The following HSPA2 variants were observed in gnomAD, a reference collection of about 807,000 sequenced individuals.
HSPA2 encodes the protein heat shock protein family A (Hsp70) member 2.
In HSPA2, 13 loss-of-function variants were observed where a neutral mutation model predicts 35.0. The ratio of observed to expected loss-of-function variants is 0.37; its 90% CI spans 0.24 to 0.59. HSPA2 has a LOEUF of 0.59. Ranked by LOEUF, HSPA2 falls within the 20% of genes least tolerant of loss-of-function variation. The probability of loss-of-function intolerance (pLI) is 0.70; values close to 1 mark genes in which losing one functional copy is unlikely to be tolerated. For missense variants in HSPA2, 565 were observed against 885.4 expected (o/e 0.64, Z 4.59); for synonymous variants, 368 against 382.1 (o/e 0.96, Z 0.43).
At chr14:64,536,868 G>A (rs1394131721), upstream of HSPA2, among the ~76,000 whole-genome samples, 1 of 152,192 alleles carries the variant, frequency 6.6e-6, no homozygotes, top group Non-Finnish European at 1.5e-5. Flanking sequence ...AATATACATG[G>A]CTAATGAAAA....
upstream of HSPA2, among the ~76,000 whole-genome samples, chr14:64,538,198 A>G (rs564405837): frequency 6.6e-6 from 1 of 152,316 alleles, no homozygotes; most frequent in Non-Finnish European, 1.5e-5. Context: ...ATAATCTTAA[A>G]TGTTCATTGA....
At chr14:64,540,091 CCG>C (rs937483525), upstream of HSPA2, among the ~76,000 whole-genome samples, 7 of 152,138 alleles carry the variant, frequency 4.6e-5, no homozygotes, top group African/African-American at 7.2e-5. Flanking sequence ...TCTTTAATCC[CCG>C]TCCAAGGGAT....
At chr14:64,540,092 C>A (rs1306463510), upstream of HSPA2, among the ~76,000 whole-genome samples, 1 of 152,102 alleles carries the variant, frequency 6.6e-6, no homozygotes, top group Non-Finnish European at 1.5e-5. Flanking sequence ...CTTTAATCCC[C>A]GTCCAAGGGA....
Position 64,542,421 on chromosome 14 carries a change from G to C in HSPA2, c.1572G>C (p.Glu524Asp), listed in dbSNP as rs756861833. 8.1e-6 allele frequency: 13 copies of C among 1,613,906 alleles called. No homozygotes were observed. The highest frequency in any genetic ancestry group is 1.1e-5 in the Non-Finnish European group (13 of 1,179,958). ...ACGACATTGACCGGATGGTGCAGGAGGCGGAGCGGTACAAATCGGAAGATG... is the reference window on the plus strand; with the variant it reads ...ACGACATTGACCGGATGGTGCAGGACGCGGAGCGGTACAAATCGGAAGATG... ...SKDDIDRMVQEAERYKSEDEA... is the reference protein window; with the variant it reads ...SKDDIDRMVQDAERYKSEDEA... Residue 524 changes from glutamate to aspartate, a missense_variant, in exon 1 of 1, where the codon GAG (glutamate) becomes GAC (aspartate). By Grantham distance (45) the Glu-to-Asp change is conservative (BLOSUM62 2). This residue lies in a region of HSPA2 where 147 missense variants were observed against 166.7 expected (regional missense o/e 0.88). Coordinates refer to ENST00000247207, the MANE Select transcript of HSPA2 (RefSeq NM_021979.4). The surrounding 1 kb of genome is among the most constrained non-coding windows in gnomAD (Gnocchi z 5.7).
upstream of HSPA2, among the ~76,000 whole-genome samples, chr14:64,536,530 A>G (rs1270998943): frequency 6.6e-6 from 1 of 152,142 alleles, no homozygotes; most frequent in East Asian, 1.9e-4. Context: ...GGAGGCTGAG[A>G]CTGGTGGAGA....
Position 64,542,229 on chromosome 14 carries a change from C to T in HSPA2, c.1380C>T (p.Gly460=), listed in dbSNP as rs2080039312. Residue 460 remains glycine (G), a synonymous_variant, in exon 1 of 1, where the codon GGC becomes GGT. Coordinates refer to ENST00000247207, the MANE Select transcript of HSPA2 (RefSeq NM_021979.4). The surrounding 1 kb of genome is among the most constrained non-coding windows in gnomAD (Gnocchi z 5.7). The stretch of plus-strand genomic sequence containing the variant: ...TGACCAAGGACAATAACCTGCTGGG[C>T]AAGTTCGACCTGACCGGGATTCCCC... ...RAMTKDNNLL[G]KFDLTGIPPA... 6.2e-7 allele frequency: 1 copy of T among 1,613,828 alleles called. No individual in the cohort carries two copies. Among genetic ancestry groups the T allele is most frequent in the South Asian group, 1.1e-5 (1 of 91,088 alleles).
upstream of HSPA2, among the ~76,000 whole-genome samples, chr14:64,540,037 C>A (rs1201625624): frequency 6.6e-6 from 1 of 152,254 alleles, no homozygotes. Flanking sequence ...AAGCACCCAC[C>A]ATAAAATCCC....
rs1223448304 is a variant in HSPA2 at position 64,541,333 on chromosome 14, G to T, written c.484G>T (p.Ala162Ser). The T allele has an allele frequency of 2.5e-6, 4 of 1,613,648 alleles. No individual in the cohort carries two copies. Among genetic ancestry groups the T allele is most frequent in the African/African-American group, 2.7e-5 (2 of 74,952 alleles). The part of the protein sequence containing the change: ...NDSQRQATKD[A>S]GTITGLNVLR... ...CTCGCAGCGCCAGGCCACCAAGGAC[G>T]CAGGCACCATCACGGGGCTCAATGT... Residue 162 changes from alanine to serine, a missense_variant, in exon 1 of 1, where the codon GCA (alanine) becomes TCA (serine). By Grantham distance (99) the Ala-to-Ser change is moderately conservative. Coordinates refer to ENST00000247207, the MANE Select transcript of HSPA2 (RefSeq NM_021979.4).
chr14:64,540,798 G>C lies in HSPA2; in HGVS notation c.-52G>C. The C allele has an allele frequency of 1.9e-6, 3 of 1,597,432 alleles. No homozygotes were observed. The highest frequency in any genetic ancestry group is 2.6e-6 in the Non-Finnish European group (3 of 1,170,256). On this transcript the variant is annotated 5_prime_UTR_variant, in exon 1 of 1. Transcript: ENST00000247207. ...GAGGTGGCCGTTAGTTGACTCCGCG[G>C]AGTTCATCTCCCTGGTTTTCCCGTC...
rs1468708073 is a variant in HSPA2, at chr14:64,541,497, G to A, written c.648G>A (p.Glu216=). The A allele has an allele frequency of 1.2e-6, 2 of 1,609,130 alleles. No homozygotes were observed. The highest frequency in any genetic ancestry group is 1.7e-5 in the Admixed American group (1 of 59,870). ...TCGACGTGTCCATCCTGACCATCGA[G>A]GATGGCATCTTCGAGGTGAAGTCCA... ...GTFDVSILTI[E]DGIFEVKSTA... is the part of the protein sequence containing the mutation. The change falls in exon 1 of 1, where the codon GAG becomes GAA. Residue 216 remains glutamate (E), a synonymous_variant. Coordinates refer to ENST00000247207, the MANE Select transcript of HSPA2 (RefSeq NM_021979.4).
At chr14:64,539,510 G>T (rs949104517), upstream of HSPA2, among the ~76,000 whole-genome samples, 4 of 152,148 alleles carry the variant, frequency 2.6e-5, no homozygotes, top group African/African-American at 9.7e-5. Flanking sequence ...AAAGCGGCAG[G>T]ACAAACAGGA....
chr14:64,536,939 G>T (rs2079984111), upstream of HSPA2, among the ~76,000 whole-genome samples: 2 of 152,196 alleles, frequency 1.3e-5, no homozygotes, highest in South Asian at 4.1e-4. Flanking sequence ...GTGGTGGTCA[G>T]ATTGCAAGAT....
chr14:64,543,046 GAGAAACC>G lies in HSPA2; in HGVS notation c.*278_*284del. On this transcript the variant is annotated 3_prime_UTR_variant, in exon 1 of 1. Coordinates refer to ENST00000247207, the MANE Select transcript of HSPA2 (RefSeq NM_021979.4). ...TCGTGCATGGAGATTTGTTTGAGAT[GAGAAACC>G]TTAAGTTTGCACACCTGTTCTGTAG... 1.9e-6 allele frequency: 1 copy of G among 527,646 alleles called. No homozygotes were observed. The highest frequency in any genetic ancestry group is 3.4e-6 in the Non-Finnish European group (1 of 294,590). 32.7% of individuals were successfully genotyped at this position (527,646 alleles called of 1,614,324 possible).
At chr14:64,539,056 G>A (rs770382018), upstream of HSPA2, among the ~76,000 whole-genome samples, 6 of 152,110 alleles carry the variant, frequency 3.9e-5, no homozygotes, top group Non-Finnish European at 8.8e-5. Flanking sequence ...TCCACCTACC[G>A]CGGCCTTTCA....
rs372954597 is a variant in HSPA2 at position 64,542,437 on chromosome 14, T to A, written c.1588T>A (p.Ser530Thr). The A allele has an allele frequency of 2.7e-5, 44 of 1,613,438 alleles. 1 individual carries two copies. In the South Asian group the frequency reaches 3.5e-4, roughly 13 times the overall value. ...GGTGCAGGAGGCGGAGCGGTACAAATCGGAAGATGAGGCGAATCGCGACCG... is the reference window on the plus strand; with the variant it reads ...GGTGCAGGAGGCGGAGCGGTACAAAACGGAAGATGAGGCGAATCGCGACCG... ...RMVQEAERYK[S>T]EDEANRDRVA... Residue 530 changes from serine to threonine, a missense_variant, in exon 1 of 1, where the codon TCG (serine) becomes ACG (threonine). By Grantham distance (58) the Ser-to-Thr change is moderately conservative. This residue lies in a region of HSPA2 where 147 missense variants were observed against 166.7 expected (regional missense o/e 0.88). Transcript: ENST00000247207. This position sits in a 1 kb window ranked among gnomAD's most constrained non-coding sequence, Gnocchi z 5.7.
chr14:64,537,429 C>T (rs2079987712), upstream of HSPA2, among the ~76,000 whole-genome samples: 2 of 151,798 alleles, frequency 1.3e-5, no homozygotes, highest in Non-Finnish European at 2.9e-5. Context: ...CTGTCTCTAC[C>T]AAAAATATAA....
rs761146611 is a variant in HSPA2 at position 64,541,967 on chromosome 14, C to T, written c.1118C>T (p.Ala373Val). The T allele has an allele frequency of 2.5e-6, 4 of 1,613,564 alleles. No homozygotes were observed. In the South Asian group the frequency reaches 3.3e-5, roughly 13 times the overall value. Reference sequence around the variant, plus strand: ...AGCATCAACCCCGACGAGGCGGTGGCCTATGGCGCCGCGGTGCAGGCGGCC... The same window carrying T: ...AGCATCAACCCCGACGAGGCGGTGGTCTATGGCGCCGCGGTGCAGGCGGCC... Reference protein sequence around the residue: ...NKSINPDEAVAYGAAVQAAIL... With the variant: ...NKSINPDEAVVYGAAVQAAIL... The change falls in exon 1 of 1, where the codon GCC becomes GTC. Residue 373 changes from alanine to valine, a missense_variant. By Grantham distance (64) the Ala-to-Val change is moderately conservative. Coordinates refer to ENST00000247207, the MANE Select transcript of HSPA2 (RefSeq NM_021979.4).
chr14:64,541,263 C>T lies in HSPA2; in HGVS notation c.414C>T (p.Gly138=). ...MKEIAEAYLG[G]KVHSAVITVP... is the part of the protein sequence containing the mutation. The stretch of plus-strand genomic sequence containing the variant: ...AGATCGCGGAAGCCTACCTGGGGGG[C>T]AAGGTGCACAGCGCGGTCATAACGG... Residue 138 remains glycine (G), a synonymous_variant, in exon 1 of 1, where the codon GGC becomes GGT. Transcript: ENST00000247207. 1.2e-6 allele frequency: 2 copies of T among 1,613,542 alleles called. No individual in the cohort carries two copies. The highest frequency in any genetic ancestry group is 2.7e-5 in the African/African-American group (2 of 74,990).
rs750396992 is a variant in HSPA2 at position 64,541,065 on chromosome 14, G to C, written c.216G>C (p.Lys72Asn). Residue 72 changes from lysine to asparagine, a missense_variant, in exon 1 of 1, where the codon AAG (lysine) becomes AAC (asparagine). This residue lies in a region of HSPA2 where 183 missense variants were observed against 281.6 expected (regional missense o/e 0.65). Transcript: ENST00000247207. ...CCACCAACACCATCTTCGACGCCAA[G>C]AGGCTGATTGGACGGAAATTCGAGG... ...MNPTNTIFDA[K>N]RLIGRKFEDA... is the part of the protein sequence containing the mutation. The C allele has an allele frequency of 7.3e-5, 118 of 1,614,128 alleles. No homozygotes were observed. Among genetic ancestry groups the C allele is most frequent in the Non-Finnish European group, 9.4e-5 (111 of 1,180,050 alleles).
Sources: gnomAD v4.1 joint callset for allele counts (sites outside exome capture counted in the v4.1 genomes callset) on GRCh38, gnomAD v4.1.1 for gene constraint, gnomAD v4.1.1 regional missense constraint, Gnocchi (gnomAD v3.1) non-coding constraint, MANE v1.5 for transcripts, NCBI Gene and HGNC (gene_info 2026-07-23, HGNC 2026-07-21) for gene names.